DEPDC1B: variants seen among roughly 807,000 people sequenced by gnomAD.
The protein encoded by DEPDC1B is DEP domain containing 1B.
A neutral mutation model predicts 66.5 loss-of-function variants in DEPDC1B; 51 were observed. The observed-to-expected ratio is 0.77, with a 90% CI of 0.61 to 0.97. The LOEUF (loss-of-function observed/expected upper bound fraction) is 0.97. Among genes scored for constraint, DEPDC1B ranks in the 50% least tolerant of loss-of-function variants. The pLI, the probability that DEPDC1B is intolerant of heterozygous loss-of-function variation, is 0.00. For synonymous variants in DEPDC1B, 226 were observed against 223.6 expected (o/e 1.01, Z -0.10); for missense variants, 552 against 637.1 (o/e 0.87, Z 1.44).
At chr5:60,685,339 C>T (rs1183699008) in intron 2 of DEPDC1B, among the ~76,000 whole-genome samples, 1 of 150,964 alleles carries the variant, frequency 6.6e-6, no homozygotes, top group East Asian at 1.9e-4. Flanking sequence ...GGTTAACTTA[C>T]ACAACTTCCA....
chr5:60,644,121 C>T (rs1436609972), intron 5 of DEPDC1B, among the ~76,000 whole-genome samples: 1 of 152,188 alleles, frequency 6.6e-6, no homozygotes, highest in Non-Finnish European at 1.5e-5. Context: ...TGGTCCTTAT[C>T]CACAGAAAGA....
chr5:60,685,325 T>C (rs946864458), intron 2 of DEPDC1B, among the ~76,000 whole-genome samples: 1 of 151,998 alleles, frequency 6.6e-6, no homozygotes, highest in African/African-American at 2.4e-5. Context: ...TGGCAAAAGT[T>C]GGTGGTTAAC....
At chr5:60,667,350 C>CAT (rs557223372) in intron 2 of DEPDC1B, among the ~76,000 whole-genome samples, 58 of 150,624 alleles carry the variant, frequency 3.9e-4, no homozygotes, top group African/African-American at 1.3e-3. Context: ...ATCCAGAATA[C>CAT]ATATATATAT....
At chr5:60,689,884 A>C (rs998989344) in intron 1 of DEPDC1B, among the ~76,000 whole-genome samples, 1 of 152,098 alleles carries the variant, frequency 6.6e-6, no homozygotes, top group Non-Finnish European at 1.5e-5. Context: ...TCTACAAAAA[A>C]TTTAAAAATT....
intron 7 of DEPDC1B, among the ~76,000 whole-genome samples, chr5:60,630,038 T>A (rs1752888652): frequency 6.6e-6 from 1 of 152,230 alleles, no homozygotes; most frequent in East Asian, 1.9e-4. Flanking sequence ...TAAACATACA[T>A]TCACCCTATG....
chr5:60,666,271 G>A (rs911268333), intron 2 of DEPDC1B, among the ~76,000 whole-genome samples: 1 of 152,140 alleles, frequency 6.6e-6, no homozygotes, highest in Admixed American at 6.5e-5. Flanking sequence ...CTAGTTGCTG[G>A]GTTCCACAGT....
chr5:60,619,695 G>A (rs1459337276), intron 7 of DEPDC1B, among the ~76,000 whole-genome samples: 3 of 152,204 alleles, frequency 2.0e-5, no homozygotes, highest in Admixed American at 6.5e-5. Flanking sequence ...AATCAATATT[G>A]TGAAAATGGC....
chr5:60,610,529 G>A (rs763896355), intron 7 of DEPDC1B, among the ~76,000 whole-genome samples: 2 of 152,122 alleles, frequency 1.3e-5, no homozygotes, highest in Admixed American at 1.3e-4. Flanking sequence ...CACAACAATA[G>A]CAGGTAAAAT....
intron 1 of DEPDC1B, among the ~76,000 whole-genome samples, chr5:60,698,935 T>C (rs1754715161): frequency 6.6e-6 from 1 of 152,162 alleles, no homozygotes; most frequent in Non-Finnish European, 1.5e-5. Flanking sequence ...TAAAATTTCA[T>C]GAGTATGTGC....
intron 2 of DEPDC1B, among the ~76,000 whole-genome samples, chr5:60,665,776 A>G (rs1253027506): frequency 6.6e-6 from 1 of 152,162 alleles, no homozygotes; most frequent in Admixed American, 6.5e-5. Context: ...GACTGCACCT[A>G]CCTTTAAACA....
chr5:60,699,866 C>A (rs56247966), intron 1 of DEPDC1B, among the ~76,000 whole-genome samples, 180 bp downstream of exon 1: 473 of 152,362 alleles, frequency 3.1e-3, no homozygotes, highest in Non-Finnish European at 5.2e-3. Flanking sequence ...GCTCTGGGCC[C>A]CGTTAGCCTT....
At chr5:60,603,986 T>C (rs770171362) in intron 8 of DEPDC1B, among the ~76,000 whole-genome samples, 5 of 151,808 alleles carry the variant, frequency 3.3e-5, no homozygotes, top group Non-Finnish European at 7.4e-5. Context: ...ATTTCATTAT[T>C]GATTTGTTTT....
intron 7 of DEPDC1B, among the ~76,000 whole-genome samples, chr5:60,614,910 G>C (rs993481769): frequency 5.3e-5 from 8 of 152,178 alleles, no homozygotes; most frequent in Admixed American, 2.6e-4. Context: ...AGAATCACTT[G>C]AACCTGGGAA....
chr5:60,617,102 C>T (rs531311638), intron 7 of DEPDC1B, among the ~76,000 whole-genome samples: 1 of 152,150 alleles, frequency 6.6e-6, no homozygotes, highest in African/African-American at 2.4e-5. Context: ...GATTTTGTCA[C>T]CACCAGGCCT....
At chr5:60,605,959 TA>T (rs1752301120) in intron 7 of DEPDC1B, 103 bp from the exon 8 acceptor site, 1 of 966,292 alleles carries the variant, frequency 1.0e-6, no homozygotes, top group African/African-American at 1.7e-5. Flanking sequence ...TTACATAAAA[TA>T]TTTTCACATA....
rs542914602 is a variant in DEPDC1B, at chr5:60,637,941, A to G, written c.898+809T>C. 6.6e-5 allele frequency among the ~76,000 whole-genome samples: 10 copies of G among 152,306 alleles called. No individual in the cohort carries two copies. In the East Asian group the frequency reaches 1.9e-3, roughly 29 times the overall value. ...TCCAAAATGAAAGAACGACATAGAG[A>G]AGGAGGAGGAGGAAGAGTAAGCAAG... On this transcript the variant is annotated intron_variant, in intron 7 of 10. Transcript: ENST00000265036.
intron 2 of DEPDC1B, among the ~76,000 whole-genome samples, chr5:60,682,547 TAAAG>T (rs762087658): frequency 2.0e-5 from 3 of 151,702 alleles, no homozygotes. Flanking sequence ...ATAAAGAAAA[TAAAG>T]AAAGCCTACA....
At chr5:60,608,000 C>A (rs1185468810) in intron 7 of DEPDC1B, among the ~76,000 whole-genome samples, 4 of 152,128 alleles carry the variant, frequency 2.6e-5, no homozygotes, top group South Asian at 4.1e-4. Flanking sequence ...TTATAAATGA[C>A]CTGAGAAACC....
intron 7 of DEPDC1B, among the ~76,000 whole-genome samples, chr5:60,607,440 T>TA (rs1444104375): frequency 2.0e-5 from 3 of 152,194 alleles, no homozygotes; most frequent in Non-Finnish European, 4.4e-5. Flanking sequence ...AGGTTTATGA[T>TA]AATATTTTAA....
Sources: allele counts gnomAD v4.1 joint callset (sites outside exome capture counted in the v4.1 genomes callset), GRCh38; gene constraint gnomAD v4.1.1; transcripts MANE v1.5; gene names NCBI Gene and HGNC (gene_info 2026-07-23, HGNC 2026-07-21).